Variants in EDRF1 observed in about 807,000 individuals in gnomAD.
EDRF1 encodes the protein erythroid differentiation-related factor 1.
Under a neutral mutation model 148.7 loss-of-function variants are expected in EDRF1, and 69 were observed. That is an observed-to-expected ratio of 0.46 (90% confidence interval 0.38 to 0.57). The LOEUF is 0.57. Ranked by LOEUF, EDRF1 falls within the 20% of genes least tolerant of loss-of-function variation. The probability of loss-of-function intolerance (pLI) is 0.00; values close to 1 mark genes in which losing one functional copy is unlikely to be tolerated. For missense variants in EDRF1, 1,118 were observed against 1,478.7 expected (o/e 0.76, Z 4.00); for synonymous variants, 515 against 532.8 (o/e 0.97, Z 0.46).
At chr10:125,762,665 G>A (rs36123989) in intron 24 of EDRF1, among the ~76,000 whole-genome samples, 1,598 of 152,282 alleles carry the variant, frequency 0.01, 22 homozygotes, top group Admixed American at 0.038. Context: ...CTGAGGGGCA[G>A]TCTTCACACA....
intron 13 of EDRF1, among the ~76,000 whole-genome samples, chr10:125,737,047 A>G (rs1350888119): frequency 6.6e-6 from 1 of 152,118 alleles, no homozygotes; most frequent in Non-Finnish European, 1.5e-5. Context: ...CTGCAGGAAA[A>G]AGTCATTAAC....
At chr10:125,759,375 T>A (rs1850078798) in intron 24 of EDRF1, among the ~76,000 whole-genome samples, 3 of 152,200 alleles carry the variant, frequency 2.0e-5, no homozygotes, top group Non-Finnish European at 4.4e-5. Flanking sequence ...CCCACCTCTC[T>A]CATGGATTTA....
At chr10:125,727,873 C>T (rs1004234391) in intron 6 of EDRF1, among the ~76,000 whole-genome samples, 2 of 151,932 alleles carry the variant, frequency 1.3e-5, no homozygotes, top group African/African-American at 4.8e-5. Flanking sequence ...CTGAGTTTAC[C>T]CAGTGTCAAG....
At chr10:125,740,685 A>C (rs758862714) in intron 16 of EDRF1, 34 bp downstream of exon 16, 1 of 1,598,466 alleles carries the variant, frequency 6.3e-7, no homozygotes, top group South Asian at 1.1e-5. Flanking sequence ...TTTAATAGGC[A>C]CTGGGAAGAG....
intron 4 of EDRF1, among the ~76,000 whole-genome samples, chr10:125,724,607 C>T (rs1263387904): frequency 6.6e-6 from 1 of 152,182 alleles, no homozygotes; most frequent in Non-Finnish European, 1.5e-5. Flanking sequence ...GAATATATCC[C>T]CATTGTTAAA....
At chr10:125,731,803 C>T (rs1478635727) in intron 9 of EDRF1, 1 of 430,276 alleles carries the variant, frequency 2.3e-6, no homozygotes, top group Non-Finnish European at 4.8e-6. Context: ...TTATTGAGTG[C>T]TTATTTTATC....
intron 11 of EDRF1, 118 bp downstream of exon 11, chr10:125,733,861 A>G (rs1848598352): frequency 1.0e-6 from 1 of 983,650 alleles, no homozygotes; most frequent in Non-Finnish European, 1.6e-6. Context: ...TAGTAGGGGG[A>G]AAAATACACG....
intron 9 of EDRF1, 29 bp from the exon 10 acceptor site, chr10:125,733,375 A>C: frequency 6.5e-7 from 1 of 1,536,722 alleles, no homozygotes; most frequent in Non-Finnish European, 8.8e-7. Context: ...TTTCTCTTAA[A>C]CTGCTTTCCA....
At position 125,749,181 on chromosome 10, in the gene EDRF1, A is replaced by G. The variant is rs573892376; in HGVS notation, c.3124-231A>G. The G allele has an allele frequency of 3.7e-5, 19 of 518,216 alleles. 1 individual carries two copies. The South Asian group carries it at 4.0e-4, about 11-fold the overall frequency. 32.1% of individuals were successfully genotyped at this position (518,216 alleles called of 1,614,324 possible). A position where few individuals can be genotyped will look rare whatever the true frequency, so the allele number is the denominator to read the frequency against. On this transcript the variant is annotated intron_variant, in intron 21 of 24. Transcript: ENST00000356792. ...GGAATTGCTTGAGTTCAGGAGGCGG[A>G]GGTTGCAGTGAGCCAGGATTGCACC... is the stretch of plus-strand genomic sequence containing the variant.
At chr10:125,760,000 G>A (rs554077254) in intron 24 of EDRF1, among the ~76,000 whole-genome samples, 3 of 152,306 alleles carry the variant, frequency 2.0e-5, no homozygotes, top group East Asian at 3.9e-4. Context: ...GTGAGCCACC[G>A]CGCCTGGCCT....
intron 24 of EDRF1, 103 bp downstream of exon 24, chr10:125,753,948 G>T: frequency 1.6e-6 from 2 of 1,257,184 alleles, no homozygotes; most frequent in Non-Finnish European, 2.3e-6. Context: ...AGGCACATTG[G>T]CTCACACCTG....
At chr10:125,740,716 A>G in intron 16 of EDRF1, 65 bp downstream of exon 16, 1 of 1,520,794 alleles carries the variant, frequency 6.6e-7, no homozygotes, top group South Asian at 1.1e-5. Context: ...AGGCATCTGA[A>G]TCACAGTGGA....
chr10:125,749,091 A>T (rs1411511979), intron 21 of EDRF1: 17 of 352,596 alleles, frequency 4.8e-5, no homozygotes, highest in East Asian at 1.4e-4. Context: ...GAAAAAAATT[A>T]AAAAATTAGC....
At chr10:125,740,094 G>A (rs376189423) in intron 15 of EDRF1, among the ~76,000 whole-genome samples, 269 of 152,340 alleles carry the variant, frequency 1.8e-3, no homozygotes, top group South Asian at 9.9e-3. Flanking sequence ...GGGAGAAGCC[G>A]TTTTCATGTT....
chr10:125,732,229 G>C (rs1848509944), intron 9 of EDRF1, among the ~76,000 whole-genome samples: 1 of 152,140 alleles, frequency 6.6e-6, no homozygotes, highest in African/African-American at 2.4e-5. Context: ...AGGCTGGGGT[G>C]GGAGTGGGGA....
At chr10:125,749,369 AGTT>A in intron 21 of EDRF1, 40 bp from the exon 22 acceptor site, 2 of 1,612,514 alleles carry the variant, frequency 1.2e-6, no homozygotes, top group Non-Finnish European at 8.5e-7. Flanking sequence ...AGCCTGAAGT[AGTT>A]ACCGTGAAGG....
At chr10:125,759,716 TA>T (rs1024315063) in intron 24 of EDRF1, among the ~76,000 whole-genome samples, 3 of 152,070 alleles carry the variant, frequency 2.0e-5, no homozygotes, top group Admixed American at 6.5e-5. Context: ...TATTTTTATT[TA>T]TTTTTTTTTT....
intron 9 of EDRF1, chr10:125,731,874 A>G (rs1245393208): frequency 4.4e-6 from 2 of 454,406 alleles, no homozygotes; most frequent in South Asian, 1.6e-5. Context: ...GCTACCTCAC[A>G]TGCTGTTATT....
At chr10:125,720,810 CA>C (rs34319808) in intron 1 of EDRF1, among the ~76,000 whole-genome samples, 24,320 of 131,528 alleles carry the variant, frequency 0.18, 2,293 homozygotes, top group Admixed American at 0.3. Context: ...GACTGCGTCT[CA>C]AAAAAAAAAA....
Sources: gnomAD v4.1 joint callset for allele counts (sites outside exome capture counted in the v4.1 genomes callset) on GRCh38, gnomAD v4.1.1 for gene constraint, MANE v1.5 for transcripts, NCBI Gene and HGNC (gene_info 2026-07-23, HGNC 2026-07-21) for gene names.